FAM135B: variants seen among roughly 807,000 people sequenced by gnomAD.
The protein encoded by FAM135B is protein FAM135B.
A neutral mutation model predicts 127.7 loss-of-function variants in FAM135B; 43 were observed. The ratio of observed to expected loss-of-function variants is 0.34; its 90% CI spans 0.26 to 0.43. FAM135B has a LOEUF of 0.43. Ranked by LOEUF, FAM135B falls within the 20% of genes least tolerant of loss-of-function variation. FAM135B has a pLI of 1.00. For missense variants in FAM135B, 1,558 were observed against 1,725.6 expected, an observed-to-expected ratio of 0.90 and a Z score of 1.72; for synonymous variants, 670 against 665.1, an observed-to-expected ratio of 1.01 and a Z score of -0.11.
chr8:138,318,551 T>C (rs766343856), intron 2 of FAM135B, among the ~76,000 whole-genome samples: 1 of 152,168 alleles, frequency 6.6e-6, no homozygotes, highest in African/African-American at 2.4e-5. Context: ...AAGGAAGGCA[T>C]TGAGCCATTG....
At chr8:138,184,473 G>A (rs1330997215) in intron 9 of FAM135B, among the ~76,000 whole-genome samples, 1 of 152,202 alleles carries the variant, frequency 6.6e-6, no homozygotes, top group Non-Finnish European at 1.5e-5. Flanking sequence ...CCCCCATACG[G>A]GGCCTTGTGG....
chr8:138,284,862 G>T (rs1003067364), intron 3 of FAM135B, among the ~76,000 whole-genome samples: 32 of 151,968 alleles, frequency 2.1e-4, no homozygotes, highest in African/African-American at 7.5e-4. Context: ...TTAAACTAAG[G>T]CCTCTGTAAA....
intron 7 of FAM135B, among the ~76,000 whole-genome samples, chr8:138,222,973 C>A (rs1435633606): frequency 6.6e-6 from 1 of 152,062 alleles, no homozygotes; most frequent in South Asian, 2.1e-4. Context: ...AGGCTACTGT[C>A]GGGGACATGA....
intron 7 of FAM135B, among the ~76,000 whole-genome samples, chr8:138,235,686 C>T (rs111282074): frequency 6.6e-6 from 1 of 152,130 alleles, no homozygotes; most frequent in Non-Finnish European, 1.5e-5. Context: ...AGACACACAC[C>T]TCCCATCAGA....
intron 3 of FAM135B, among the ~76,000 whole-genome samples, chr8:138,302,194 G>A (rs373715580): frequency 1.3e-5 from 2 of 152,042 alleles, no homozygotes; most frequent in East Asian, 1.9e-4. Context: ...TTCCAAGGAG[G>A]GGGGTGAGGA....
At chr8:138,177,639 T>C (rs542751942) in intron 10 of FAM135B, among the ~76,000 whole-genome samples, 2 of 152,344 alleles carry the variant, frequency 1.3e-5, no homozygotes, top group South Asian at 4.1e-4. Context: ...TGAACACACG[T>C]GAATGCAGTC....
chr8:138,300,853 C>T (rs1434930024), intron 3 of FAM135B, among the ~76,000 whole-genome samples: 5 of 150,102 alleles, frequency 3.3e-5, no homozygotes, highest in Admixed American at 2.0e-4. Context: ...CAGGTTCAAG[C>T]GATTCTCCTG....
At chr8:138,337,909 A>T (rs1828733184) in intron 2 of FAM135B, among the ~76,000 whole-genome samples, 1 of 152,186 alleles carries the variant, frequency 6.6e-6, no homozygotes, top group Non-Finnish European at 1.5e-5. Context: ...ACCAAAACAG[A>T]GATATAGACC....
intron 1 of FAM135B, among the ~76,000 whole-genome samples, chr8:138,481,238 G>T (rs146927129): frequency 6.6e-6 from 1 of 152,216 alleles, no homozygotes; most frequent in African/African-American, 2.4e-5. Context: ...CAGGCACTTT[G>T]TTAAGTCTGT....
rs150121367 is a variant in FAM135B, at chr8:138,451,067, C to T, written c.-20+45604G>A. Among the ~76,000 whole-genome samples, 56 of 152,296 alleles carry T rather than the reference C, an allele frequency of 3.7e-4. No individual in the cohort carries two copies. The East Asian group carries it at 0.01, about 28-fold the overall frequency. On this transcript the variant is annotated intron_variant, in intron 1 of 19. Transcript: ENST00000395297. ...CCAGGGTCTGCTGTCTGGACCAAGA[C>T]ATTCTACTGCTTTTAAAAAGTGGCC...
intron 17 of FAM135B, 69 bp from the exon 18 acceptor site, chr8:138,139,165 T>A: frequency 1.0e-6 from 1 of 976,846 alleles, no homozygotes; most frequent in Non-Finnish European, 1.6e-6. Context: ...GGATGGAATT[T>A]TGGTGAGATG....
intron 18 of FAM135B, among the ~76,000 whole-genome samples, chr8:138,138,439 G>T (rs1816846302): frequency 6.6e-6 from 1 of 152,350 alleles, no homozygotes; most frequent in East Asian, 1.9e-4. Flanking sequence ...CTCGCCGACT[G>T]GACATGGGGA....
At position 138,449,602 on chromosome 8, in the gene FAM135B, T is replaced by C. The variant is rs1354531619; in HGVS notation, c.-20+47069A>G. On this transcript the variant is annotated intron_variant, in intron 1 of 19. Transcript: ENST00000395297. ...CAGGATTCAAACTCTACTAAGTGCA[T>C]TGGAAGCCTATTTAAGCTACAGAGG... Among the ~76,000 whole-genome samples, 3 of 152,272 alleles carry C rather than the reference T, an allele frequency of 2.0e-5. No homozygotes were observed. In the East Asian group the frequency reaches 5.8e-4, roughly 29 times the overall value.
intron 11 of FAM135B, among the ~76,000 whole-genome samples, chr8:138,176,498 C>T (rs374804311): frequency 6.6e-5 from 10 of 152,294 alleles, no homozygotes; most frequent in Non-Finnish European, 1.0e-4. Context: ...CATTTCAACA[C>T]GCAGCTGTGC....
At chr8:138,207,594 A>G (rs1307985106) in intron 7 of FAM135B, among the ~76,000 whole-genome samples, 1 of 152,164 alleles carries the variant, frequency 6.6e-6, no homozygotes, top group Non-Finnish European at 1.5e-5. Flanking sequence ...GGGACAGTTC[A>G]TTGCATAAGA....
intron 2 of FAM135B, among the ~76,000 whole-genome samples, chr8:138,312,873 C>T (rs1486832908): frequency 2.0e-5 from 3 of 152,132 alleles, no homozygotes; most frequent in East Asian, 1.9e-4. Context: ...CCCACCACCC[C>T]GCAGTAATGA....
chr8:138,378,637 T>C (rs1251091567), intron 1 of FAM135B, among the ~76,000 whole-genome samples: 1 of 152,076 alleles, frequency 6.6e-6, no homozygotes, highest in Non-Finnish European at 1.5e-5. Context: ...GACCCTCACC[T>C]ACCATAGAAA....
At chr8:138,197,437 T>G (rs1816744395) in intron 8 of FAM135B, 79 bp downstream of exon 8, 1 of 1,517,662 alleles carries the variant, frequency 6.6e-7, no homozygotes, top group East Asian at 2.3e-5. Flanking sequence ...TACAAAAGCA[T>G]GCCAGCTTTT....
At chr8:138,339,358 AATATAT>A (rs143774221) in intron 2 of FAM135B, among the ~76,000 whole-genome samples, 11,629 of 147,496 alleles carry the variant, frequency 0.079, 853 homozygotes, top group East Asian at 0.25. Flanking sequence ...AAACTAACTA[AATATAT>A]ATATATATAT....
Sources: gnomAD v4.1 joint callset for allele counts (sites outside exome capture counted in the v4.1 genomes callset) on GRCh38, gnomAD v4.1.1 for gene constraint, MANE v1.5 for transcripts, NCBI Gene and HGNC (gene_info 2026-07-23, HGNC 2026-07-21) for gene names.